Variants in SSPN observed in about 807,000 individuals in gnomAD.
SSPN encodes the protein sarcospan.
Under a neutral mutation model 19.1 loss-of-function variants are expected in SSPN, and 15 were observed. The ratio of observed to expected loss-of-function variants is 0.78; its 90% CI spans 0.52 to 1.21. SSPN has a LOEUF of 1.21. Ranked by LOEUF, SSPN falls within the 50% of genes most tolerant of loss-of-function variation. The probability of loss-of-function intolerance (pLI) is 0.00; values close to 1 mark genes in which losing one functional copy is unlikely to be tolerated. For synonymous variants in SSPN, 147 were observed against 140.3 expected, an observed-to-expected ratio of 1.05 and a Z score of -0.34; for missense variants, 291 against 314.0, an observed-to-expected ratio of 0.93 and a Z score of 0.55.
chr12:26,155,884 C>T (rs1354917870), intron 1 of SSPN, among the ~76,000 whole-genome samples: 1 of 152,120 alleles, frequency 6.6e-6, no homozygotes, highest in Non-Finnish European at 1.5e-5. Context: ...TGTGATAGAG[C>T]TGGCAGGTAG....
In SSPN at chr12:26,167,501, A is replaced by G. The variant is rs150830679; in HGVS notation, c.-31+45349A>G. Among the ~76,000 whole-genome samples, 462 of 152,316 alleles carry G rather than the reference A, an allele frequency of 3.0e-3. 4 individuals carry two copies. The highest frequency in any genetic ancestry group is 0.011 in the African/African-American group (442 of 41,574). ...TTCTGTCTCCTCCTTTACAACATTT[A>G]TCTTTATGAAAGAGAAGAGCAGGCT... On this transcript the variant is annotated intron_variant, in intron 1 of 2. Coordinates refer to the SSPN transcript ENST00000538142.
In SSPN at chr12:26,188,508, G is replaced by A. The variant is rs571489961; in HGVS notation, c.-30-35785G>A. ...AATCTTATAGTTTATGTATGACACA[G>A]GGTGTTTAATGTTATTACTTAGAAA... is the stretch of plus-strand genomic sequence containing the variant. On this transcript the variant is annotated intron_variant, in intron 1 of 2. Coordinates refer to the SSPN transcript ENST00000538142. Among the ~76,000 whole-genome samples the A allele has an allele frequency of 5.3e-5, 8 of 152,308 alleles. No homozygotes were observed. The East Asian group carries it at 1.5e-3, about 29-fold the overall frequency.
chr12:26,205,554 C>G, intron 1 of SSPN, among the ~76,000 whole-genome samples: 1 of 152,152 alleles, frequency 6.6e-6, no homozygotes, highest in East Asian at 1.9e-4. Flanking sequence ...GCCAGGAAAG[C>G]TATGAAGGAG....
At chr12:26,137,688 GGA>G (rs1944436280) in intron 1 of SSPN, among the ~76,000 whole-genome samples, 1 of 84,030 alleles carries the variant, frequency 1.2e-5, no homozygotes, top group Admixed American at 1.5e-4. Flanking sequence ...TTTTTGAGAT[GGA>G]GTCTTGCTCT....
At chr12:26,195,519 C>A, upstream of SSPN, 4 of 1,241,628 alleles carry the variant, frequency 3.2e-6, no homozygotes, top group Non-Finnish European at 4.0e-6. Context: ...TCCCCGTGGC[C>A]TTTGGAGGCT....
intron 1 of SSPN, among the ~76,000 whole-genome samples, chr12:26,132,893 T>G (rs1944404349): frequency 6.6e-6 from 1 of 152,166 alleles, no homozygotes; most frequent in Non-Finnish European, 1.5e-5. Context: ...TTAGGAAGCT[T>G]CTTCTCATCC....
At chr12:26,125,513 T>G (rs146950719) in intron 1 of SSPN, 2,160 of 155,088 alleles carry the variant, frequency 0.014, 39 homozygotes, top group African/African-American at 0.036. Flanking sequence ...CACTGATCAG[T>G]GGCCTGGAGG....
At chr12:26,182,623 C>A (rs1366255964) in intron 1 of SSPN, among the ~76,000 whole-genome samples, 1 of 140,966 alleles carries the variant, frequency 7.1e-6, no homozygotes, top group Non-Finnish European at 1.5e-5. Context: ...CCTTCCCTTC[C>A]CTTCCCTTCC....
intron 1 of SSPN, among the ~76,000 whole-genome samples, chr12:26,206,760 T>C (rs912286725): frequency 1.3e-5 from 2 of 152,236 alleles, no homozygotes; most frequent in Non-Finnish European, 2.9e-5. Flanking sequence ...TCCTGTTGAT[T>C]CATGAGAAAG....
At chr12:26,169,384 C>T (rs1283512580) in intron 1 of SSPN, among the ~76,000 whole-genome samples, 1 of 152,022 alleles carries the variant, frequency 6.6e-6, no homozygotes, top group African/African-American at 2.4e-5. Context: ...TTTCCAGAAG[C>T]ACTCATTTGC....
At chr12:26,149,521 C>A (rs1944512677) in intron 1 of SSPN, among the ~76,000 whole-genome samples, 1 of 152,200 alleles carries the variant, frequency 6.6e-6, no homozygotes, top group South Asian at 2.1e-4. Flanking sequence ...TCCCCTGTGG[C>A]AAGTGACTTC....
At chr12:26,191,472 G>C (rs910958677), upstream of SSPN, among the ~76,000 whole-genome samples, 9 of 152,118 alleles carry the variant, frequency 5.9e-5, no homozygotes, top group Non-Finnish European at 1.3e-4. Context: ...AAGAGAGAGA[G>C]AGAGAATGAG....
chr12:26,142,456 A>G (rs1264870252), intron 1 of SSPN, among the ~76,000 whole-genome samples: 3 of 152,188 alleles, frequency 2.0e-5, no homozygotes, highest in African/African-American at 7.2e-5. Flanking sequence ...GAGAAACAGT[A>G]TTAGGAGTTG....
In SSPN at chr12:26,233,329, G is replaced by GATATATATATATATATAT. The variant is rs1945254168; in HGVS notation, c.*2254_*2255insTATATATATATATATATA. ...AGCTTTATAATAGTATAACCGTCAG[G>GATATATATATATATATAT]AGATATATATATATATATATACACA... On this transcript the variant is annotated 3_prime_UTR_variant, in exon 3 of 3. Transcript: ENST00000242729. The surrounding 1 kb of genome is among the most constrained non-coding windows in gnomAD (Gnocchi z 4.3). 2.7e-5 allele frequency: 2 copies of GATATATATATATATATAT among 73,010 alleles called. No individual in the cohort carries two copies. Among genetic ancestry groups the GATATATATATATATATAT allele is most frequent in the African/African-American group, 2.2e-4 (2 of 9,268 alleles). The allele number at this position is 73,010 out of a possible 1,614,324, so 4.5% of individuals were successfully genotyped here.
intron 1 of SSPN, among the ~76,000 whole-genome samples, chr12:26,148,965 C>A (rs1243163347): frequency 6.6e-6 from 1 of 152,150 alleles, no homozygotes; most frequent in African/African-American, 2.4e-5. Flanking sequence ...ATCAGAAATT[C>A]TCTTTGTTCT....
intron 1 of SSPN, among the ~76,000 whole-genome samples, chr12:26,155,521 A>T (rs970895138): frequency 1.3e-5 from 2 of 152,334 alleles, no homozygotes; most frequent in African/African-American, 4.8e-5. Flanking sequence ...ATTAACATTT[A>T]AAAAAGAGTC....
chr12:26,193,593 T>C (rs1321396954), upstream of SSPN, among the ~76,000 whole-genome samples: 1 of 152,218 alleles, frequency 6.6e-6, no homozygotes, highest in Non-Finnish European at 1.5e-5. Context: ...GTCATTTGGG[T>C]TCTTCTCAGT....
exon 1 of SSPN, chr12:26,122,149 G>T: frequency 6.5e-7 from 1 of 1,547,104 alleles, no homozygotes; most frequent in South Asian, 1.2e-5. Context: ...CCGGCGAAGG[G>T]CAGGTGGGTG....
At chr12:26,184,844 C>T (rs933665102) in intron 1 of SSPN, among the ~76,000 whole-genome samples, 1 of 151,992 alleles carries the variant, frequency 6.6e-6, no homozygotes, top group East Asian at 1.9e-4. Flanking sequence ...GTAATATGCT[C>T]ATGAGAAGAC....
Sources: gnomAD v4.1 joint callset for allele counts (sites outside exome capture counted in the v4.1 genomes callset) on GRCh38, gnomAD v4.1.1 for gene constraint, Gnocchi (gnomAD v3.1) non-coding constraint, MANE v1.5 for transcripts, NCBI Gene and HGNC (gene_info 2026-07-23, HGNC 2026-07-21) for gene names.